Variants in DNMBP observed in about 807,000 individuals in gnomAD.
DNMBP encodes dynamin binding protein.
Under a neutral mutation model 150.0 loss-of-function variants are expected in DNMBP, and 87 were observed. That is an observed-to-expected ratio of 0.58 (90% CI 0.49 to 0.69). The LOEUF (loss-of-function observed/expected upper bound fraction) is 0.69, where lower values mean the gene tolerates loss of function less well. Ranked by LOEUF, DNMBP falls within the 30% of genes least tolerant of loss-of-function variation. The pLI, the probability that DNMBP is intolerant of heterozygous loss-of-function variation, is 0.00. For synonymous variants in DNMBP, 711 were observed against 750.4 expected, an observed-to-expected ratio of 0.95 and a Z score of 0.86; for missense variants, 1,774 against 1,949.0, an observed-to-expected ratio of 0.91 and a Z score of 1.69.
At chr10:99,884,386 A>G (rs2039424046) in intron 14 of DNMBP, among the ~76,000 whole-genome samples, 177 bp from the exon 15 acceptor site, 1 of 152,192 alleles carries the variant, frequency 6.6e-6, no homozygotes, top group South Asian at 2.1e-4. Context: ...AAAAATCAAG[A>G]GCCCTTAGGC....
rs2040300813 is a variant in DNMBP at position 99,941,544 on chromosome 10, C to T, written c.2260+13670G>A. On this transcript the variant is annotated intron_variant, in intron 4 of 16. Transcript: ENST00000324109. ...AGTGCAATGGCACGATCTCGGCTCA[C>T]CGCAACCTCCACCTCCCAGATTCAA... is the stretch of plus-strand genomic sequence containing the variant. Among the ~76,000 whole-genome samples the T allele has an allele frequency of 2.0e-5, 3 of 151,768 alleles. No homozygotes were observed. The South Asian group carries it at 6.2e-4, about 32-fold the overall frequency.
chr10:99,992,298 C>T (rs1414761597), intron 1 of DNMBP, among the ~76,000 whole-genome samples: 2 of 147,134 alleles, frequency 1.4e-5, no homozygotes, highest in Non-Finnish European at 3.0e-5. Flanking sequence ...GCCAGACTAC[C>T]TAGATCTATA....
At chr10:99,908,343 A>G (rs1353873172) in intron 5 of DNMBP, among the ~76,000 whole-genome samples, 1 of 152,228 alleles carries the variant, frequency 6.6e-6, no homozygotes, top group Admixed American at 6.5e-5. Flanking sequence ...AATTTGGCCT[A>G]CAAATGCACT....
chr10:99,970,078 C>T (rs1353832631), intron 2 of DNMBP, among the ~76,000 whole-genome samples: 1 of 152,214 alleles, frequency 6.6e-6, no homozygotes, highest in East Asian at 1.9e-4. Context: ...TCATGCCCTA[C>T]TAAACTTCTC....
At chr10:99,942,351 C>T (rs1005275206) in intron 4 of DNMBP, among the ~76,000 whole-genome samples, 2 of 152,160 alleles carry the variant, frequency 1.3e-5, no homozygotes, top group Admixed American at 6.5e-5. Context: ...TACTGTGACT[C>T]GAGATCACTG....
At chr10:99,950,043 C>A (rs1265808780) in intron 4 of DNMBP, among the ~76,000 whole-genome samples, 1 of 152,178 alleles carries the variant, frequency 6.6e-6, no homozygotes, top group African/African-American at 2.4e-5. Context: ...CAAATCCCAT[C>A]TTGAATTCCT....
rs556887476 is a variant in DNMBP, at chr10:99,980,935, G to A, written c.-10-8801C>T. ...ATGGTGGTTGCCAGGGGGTAGGGGCGAGAAGAGGAGATAGGGAGTTAGTAT... is the reference window on the plus strand; with the variant it reads ...ATGGTGGTTGCCAGGGGGTAGGGGCAAGAAGAGGAGATAGGGAGTTAGTAT... On this transcript the variant is annotated intron_variant, in intron 1 of 16. Transcript: ENST00000324109. 1.2e-4 allele frequency among the ~76,000 whole-genome samples: 18 copies of A among 152,276 alleles called. No homozygotes were observed. In the South Asian group the frequency reaches 3.1e-3, roughly 26 times the overall value.
intron 4 of DNMBP, among the ~76,000 whole-genome samples, chr10:99,949,363 T>C (rs1315814645): frequency 1.3e-4 from 20 of 152,228 alleles, no homozygotes; most frequent in Non-Finnish European, 2.9e-5. Flanking sequence ...CAGAATTAGA[T>C]AAATGTTATA....
In DNMBP at chr10:99,890,773, A is replaced by C. The variant is rs374445104; in HGVS notation, c.3157-1820T>G. ...GCAATTCTCCTGCCTCAGCCTCCTG[A>C]GTAGCTGGGATTACAGGTGCCTGCC... is the stretch of plus-strand genomic sequence containing the variant. On this transcript the variant is annotated intron_variant, in intron 11 of 16. Transcript: ENST00000324109. 9.8e-5 allele frequency among the ~76,000 whole-genome samples: 15 copies of C among 152,288 alleles called. 1 individual carries two copies. The South Asian group carries it at 1.0e-3, about 11-fold the overall frequency.
intron 3 of DNMBP, 149 bp downstream of exon 3, chr10:99,968,965 TA>T: frequency 1.3e-6 from 1 of 785,332 alleles, no homozygotes; most frequent in Non-Finnish European, 2.0e-6. Context: ...TACTAAACTA[TA>T]AGGCATCATT....
At chr10:99,980,361 C>T (rs549386780) in intron 1 of DNMBP, among the ~76,000 whole-genome samples, 1 of 151,198 alleles carries the variant, frequency 6.6e-6, no homozygotes, top group Non-Finnish European at 1.5e-5. Context: ...GCAGGAGAAT[C>T]GTTTGAACCC....
chr10:99,917,298 A>T (rs564630046), intron 4 of DNMBP, among the ~76,000 whole-genome samples: 30 of 152,290 alleles, frequency 2.0e-4, no homozygotes, highest in Middle Eastern at 3.4e-3. Flanking sequence ...TGGAGGTTGC[A>T]GTGAGCTGAG....
chr10:99,944,120 C>T (rs1236230707), intron 4 of DNMBP, among the ~76,000 whole-genome samples: 1 of 152,178 alleles, frequency 6.6e-6, no homozygotes, highest in Non-Finnish European at 1.5e-5. Flanking sequence ...GGTTCCGGAA[C>T]TGACCCACAC....
At chr10:99,915,280 G>A (rs2039953229) in intron 4 of DNMBP, among the ~76,000 whole-genome samples, 1 of 150,620 alleles carries the variant, frequency 6.6e-6, no homozygotes, top group Non-Finnish European at 1.5e-5. Flanking sequence ...GGTCTGGAAG[G>A]AAAACACACG....
At chr10:99,966,776 T>C (rs1268515245) in intron 3 of DNMBP, among the ~76,000 whole-genome samples, 1 of 152,032 alleles carries the variant, frequency 6.6e-6, no homozygotes, top group Non-Finnish European at 1.5e-5. Flanking sequence ...TTTTCTCTCG[T>C]TAATACGTTT....
chr10:99,904,933 G>A (rs191041836), intron 6 of DNMBP, among the ~76,000 whole-genome samples: 3 of 152,198 alleles, frequency 2.0e-5, no homozygotes, highest in Admixed American at 1.3e-4. Context: ...GGGAGAAGGC[G>A]CCTTGCAGAA....
rs778750465 is a variant in DNMBP at position 99,880,371 on chromosome 10, A to G, written c.3998-10T>C. ...ACGAAGCCTTTGGTGACTACAAAGG[A>G]AACAGGAAATATAAACAAGAACTCT... On this transcript the variant is annotated splice_polypyrimidine_tract_variant and intron_variant, in intron 15 of 16. Transcript: ENST00000324109. 4.5e-6 allele frequency: 7 copies of G among 1,555,000 alleles called. No individual in the cohort carries two copies. Among genetic ancestry groups the G allele is most frequent in the Non-Finnish European group, 6.1e-6 (7 of 1,154,352 alleles).
intron 4 of DNMBP, among the ~76,000 whole-genome samples, chr10:99,922,202 C>T (rs569025175): frequency 1.3e-5 from 2 of 152,094 alleles, no homozygotes; most frequent in South Asian, 2.1e-4. Flanking sequence ...GGTATCAGGG[C>T]GAATGAGTCA....
intron 1 of DNMBP, among the ~76,000 whole-genome samples, chr10:99,997,927 CA>C (rs71009798): frequency 0.024 from 534 of 22,276 alleles, no homozygotes; most frequent in African/African-American, 0.078. Flanking sequence ...GACTCTGTCT[CA>C]AAAAAAAAAA....
Sources: allele counts gnomAD v4.1 joint callset (sites outside exome capture counted in the v4.1 genomes callset), GRCh38; gene constraint gnomAD v4.1.1; transcripts MANE v1.5; gene names NCBI Gene and HGNC (gene_info 2026-07-23, HGNC 2026-07-21).